The following ARHGAP35 variants were observed in gnomAD, a reference collection of about 807,000 sequenced individuals.
ARHGAP35 encodes rho GTPase-activating protein 35.
Under a neutral mutation model 111.1 loss-of-function variants are expected in ARHGAP35, and 15 were observed. That is an observed-to-expected ratio of 0.13 (90% CI 0.09 to 0.21). The LOEUF (loss-of-function observed/expected upper bound fraction) is 0.21, where lower values mean the gene tolerates loss of function less well. ARHGAP35 is among the 10% of genes least tolerant of loss of function. The pLI is 1.00. For missense variants in ARHGAP35, 1,262 were observed against 1,873.0 expected, an observed-to-expected ratio of 0.67 and a Z score of 6.02; for synonymous variants, 643 against 710.3, an observed-to-expected ratio of 0.91 and a Z score of 1.51.
Position 46,908,065 on chromosome 19 carries a change from C to A in ARHGAP35, c.-188-10423C>A, listed in dbSNP as rs2056119869. Among the ~76,000 whole-genome samples, 1 of 152,190 alleles carries A rather than the reference C, an allele frequency of 6.6e-6. No homozygotes were observed. The highest frequency in any genetic ancestry group is 2.4e-5 in the African/African-American group (1 of 41,436). On this transcript the variant is annotated intron_variant, in intron 1 of 6. Coordinates refer to ENST00000672722, the MANE Select transcript of ARHGAP35 (RefSeq NM_004491.5). This position sits in a 1 kb window ranked among gnomAD's most constrained non-coding sequence, Gnocchi z 4.2. ...TCCCCATTGACAGAAATGCCTGTTT[C>A]TTCAGCACTGTCCTTTGTTGGCAAG...
intron 1 of ARHGAP35, among the ~76,000 whole-genome samples, chr19:46,866,226 C>G (rs1212445143): frequency 6.6e-6 from 1 of 152,172 alleles, no homozygotes; most frequent in Non-Finnish European, 1.5e-5. Context: ...TTTTCACGAT[C>G]TGTAAAATAG....
Position 46,922,463 on chromosome 19 carries a change from G to A in ARHGAP35, c.3681+107G>A, listed in dbSNP as rs2056209370. On this transcript the variant is annotated intron_variant, in intron 2 of 6. Transcript: ENST00000672722. The surrounding 1 kb of genome is among the most constrained non-coding windows in gnomAD (Gnocchi z 4.0). ...AACCTATTCTGGTAAAAAAAAAACT[G>A]CCCTGTGTGTGTATTTGACTTAACA... 4 of 1,077,984 alleles carry A rather than the reference G, an allele frequency of 3.7e-6. No homozygotes were observed. The highest frequency in any genetic ancestry group is 3.6e-5 in the South Asian group (2 of 55,520). 66.8% of individuals were successfully genotyped at this position (1,077,984 alleles called of 1,614,324 possible).
At chr19:46,943,515 G>A (rs190860474) in intron 3 of ARHGAP35, among the ~76,000 whole-genome samples, 1 of 152,294 alleles carries the variant, frequency 6.6e-6, no homozygotes, top group East Asian at 1.9e-4. Flanking sequence ...GAAAGCTGGT[G>A]CTGCCACCTG....
At chr19:46,940,158 G>A (rs998258343) in intron 3 of ARHGAP35, among the ~76,000 whole-genome samples, 3 of 151,916 alleles carry the variant, frequency 2.0e-5, no homozygotes, top group East Asian at 1.9e-4. Context: ...TCAGGAATTC[G>A]ATACCAGCCT....
chr19:46,948,880 A>C (rs2056396046), intron 3 of ARHGAP35: 1 of 152,248 alleles, frequency 6.6e-6, no homozygotes, highest in South Asian at 2.1e-4. Flanking sequence ...TTATCGGGCC[A>C]GGCGCGGTGG....
At chr19:46,995,634 G>C (rs1290813810) in intron 5 of ARHGAP35, among the ~76,000 whole-genome samples, 1 of 152,240 alleles carries the variant, frequency 6.6e-6, no homozygotes, top group African/African-American at 2.4e-5. Context: ...CCACCATATG[G>C]GTAACGCCCA....
At position 46,891,428 on chromosome 19, in the gene ARHGAP35, T is replaced by G. The variant is rs113871465; in HGVS notation, c.-188-27060T>G. Among the ~76,000 whole-genome samples the G allele has an allele frequency of 6.4e-3, 977 of 151,752 alleles. 6 individuals are homozygous for G. The highest frequency in any genetic ancestry group is 0.02 in the South Asian group (95 of 4,818). ...GGCTTTTTGCTAGGGCAAGTTTTTT[T>G]TTTTTGTTTTTTTTTTTTAGATGGA... On this transcript the variant is annotated intron_variant, in intron 1 of 6. Coordinates refer to ENST00000672722, the MANE Select transcript of ARHGAP35 (RefSeq NM_004491.5).
rs533628122 is a variant in ARHGAP35 at position 46,985,409 on chromosome 19, G to A, written c.3827-2580G>A. Among the ~76,000 whole-genome samples, 9 of 152,350 alleles carry A rather than the reference G, an allele frequency of 5.9e-5. No individual in the cohort carries two copies. The East Asian group carries it at 1.2e-3, about 20-fold the overall frequency. On this transcript the variant is annotated intron_variant, in intron 3 of 6. Coordinates refer to ENST00000672722, the MANE Select transcript of ARHGAP35 (RefSeq NM_004491.5). ...CCCCAGCCTGGTGGATTAATAGGAA[G>A]CAGCAGAAGCTTGAGCCAGGTGTCT...
At chr19:46,899,309 A>G (rs563912667) in intron 1 of ARHGAP35, among the ~76,000 whole-genome samples, 96 of 152,310 alleles carry the variant, frequency 6.3e-4, no homozygotes, top group African/African-American at 2.2e-3. Context: ...TAGCTGGACC[A>G]TAGAGTTCTT....
intron 1 of ARHGAP35, among the ~76,000 whole-genome samples, chr19:46,889,609 T>C (rs964453277): frequency 3.3e-5 from 5 of 151,892 alleles, no homozygotes; most frequent in African/African-American, 1.2e-4. Flanking sequence ...TAGGGGAAAA[T>C]AGAATATCCT....
chr19:46,865,936 G>A (rs907580149), intron 1 of ARHGAP35, among the ~76,000 whole-genome samples: 4 of 152,146 alleles, frequency 2.6e-5, no homozygotes, highest in African/African-American at 7.2e-5. Context: ...TGCCTCCTGG[G>A]TTCAAGCGAT....
intron 3 of ARHGAP35, among the ~76,000 whole-genome samples, chr19:46,957,981 G>C (rs1051746662): frequency 6.6e-6 from 1 of 152,200 alleles, no homozygotes; most frequent in Non-Finnish European, 1.5e-5. Flanking sequence ...ATAGCTCACT[G>C]CAGCCTGAAA....
intron 3 of ARHGAP35, among the ~76,000 whole-genome samples, chr19:46,959,967 A>G (rs997779448): frequency 5.4e-5 from 8 of 149,324 alleles, no homozygotes; most frequent in East Asian, 1.9e-4. Flanking sequence ...TTAGTTAGCC[A>G]TGCATTGTGG....
Position 46,989,271 on chromosome 19 carries a change from G to A in ARHGAP35, c.3905-273G>A. ...AAAGCCAGATGAAGGCAAGCTCCTG[G>A]CACCAAAAACCAGCATGTGGGGGTA... On this transcript the variant is annotated intron_variant, in intron 4 of 6. Transcript: ENST00000672722. The surrounding 1 kb of genome is among the most constrained non-coding windows in gnomAD (Gnocchi z 5.3). 3.0e-6 allele frequency: 1 copy of A among 335,182 alleles called. No individual in the cohort carries two copies. Among genetic ancestry groups the A allele is most frequent in the Non-Finnish European group, 5.8e-6 (1 of 173,730 alleles). The allele number at this position is 335,182 out of a possible 1,614,324, so 20.8% of individuals were successfully genotyped here. A position where few individuals can be genotyped will look rare whatever the true frequency, so the allele number is the denominator to read the frequency against.
At chr19:46,944,464 A>T (rs2056367140) in intron 3 of ARHGAP35, among the ~76,000 whole-genome samples, 1 of 152,176 alleles carries the variant, frequency 6.6e-6, no homozygotes, top group Non-Finnish European at 1.5e-5. Context: ...CAAAACATTG[A>T]AGTCTGAGTA....
At chr19:46,910,401 C>T (rs2056131532) in intron 1 of ARHGAP35, among the ~76,000 whole-genome samples, 1 of 152,056 alleles carries the variant, frequency 6.6e-6, no homozygotes, top group Non-Finnish European at 1.5e-5. Flanking sequence ...AGCCATCCTC[C>T]CACCTCAGCC....
intron 3 of ARHGAP35, chr19:46,947,374 G>T (rs1451160574): frequency 6.6e-6 from 1 of 152,184 alleles, no homozygotes; most frequent in Non-Finnish European, 1.5e-5. Flanking sequence ...ACAGGACCCA[G>T]TGTTGGTGAG....
At chr19:46,942,482 C>G (rs1206599394) in intron 3 of ARHGAP35, among the ~76,000 whole-genome samples, 1 of 151,920 alleles carries the variant, frequency 6.6e-6, no homozygotes, top group Non-Finnish European at 1.5e-5. Context: ...ACTAAAAATA[C>G]AAAAATTAGC....
chr19:46,910,586 C>A (rs906667781), intron 1 of ARHGAP35, among the ~76,000 whole-genome samples: 1 of 151,408 alleles, frequency 6.6e-6, no homozygotes, highest in Non-Finnish European at 1.5e-5. Context: ...GCCACCACAC[C>A]TGGCCAATTT....
Sources: gnomAD v4.1 joint callset for allele counts (sites outside exome capture counted in the v4.1 genomes callset) on GRCh38, gnomAD v4.1.1 for gene constraint, Gnocchi (gnomAD v3.1) non-coding constraint, MANE v1.5 for transcripts, NCBI Gene and HGNC (gene_info 2026-07-23, HGNC 2026-07-21) for gene names.